Variants in EIF4E3 observed in about 807,000 individuals in gnomAD.
The protein encoded by EIF4E3 is eukaryotic translation initiation factor 4E type 3.
Under a neutral mutation model 31.7 loss-of-function variants are expected in EIF4E3, and 26 were observed. That is an observed-to-expected ratio of 0.82 (90% CI 0.60 to 1.14). The LOEUF is 1.14. EIF4E3 is among the 50% of genes most tolerant of loss of function. The pLI is 0.00. For synonymous variants in EIF4E3, 128 were observed against 107.7 expected (o/e 1.19, Z -1.17); for missense variants, 304 against 270.9 (o/e 1.12, Z -0.86).
At chr3:71,726,637 A>G (rs191659101), upstream of EIF4E3, among the ~76,000 whole-genome samples, 193 of 152,342 alleles carry the variant, frequency 1.3e-3, no homozygotes, top group African/African-American at 4.5e-3. Context: ...GCTACAAAAC[A>G]AGATGAGTTC....
At chr3:71,664,844 C>T in the EIF4E3 span, among the ~76,000 whole-genome samples, 2 of 152,036 alleles carry the variant, frequency 1.3e-5, no homozygotes, top group Admixed American at 6.5e-5. Flanking sequence ...CACTGCACTC[C>T]AGCCTAGGCG....
intron 1 of EIF4E3, among the ~76,000 whole-genome samples, chr3:71,746,165 G>T (rs370776385): frequency 4.6e-5 from 7 of 152,236 alleles, no homozygotes; most frequent in African/African-American, 1.4e-4. Flanking sequence ...AGACAGACTG[G>T]AATTTTACCT....
At chr3:71,674,090 CTTTTTTTT>C (rs71277509), downstream of EIF4E3, among the ~76,000 whole-genome samples, 16 of 25,078 alleles carry the variant, frequency 6.4e-4, no homozygotes, top group African/African-American at 1.7e-3. Flanking sequence ...ATCAACTGTA[CTTTTTTTT>C]TTTTTTTTTT....
At chr3:71,687,452 TTTTC>T (rs757442376) in intron 6 of EIF4E3, among the ~76,000 whole-genome samples, 4 of 152,226 alleles carry the variant, frequency 2.6e-5, no homozygotes, top group Non-Finnish European at 4.4e-5. Context: ...AAAATATACT[TTTTC>T]TTTTTTTTCC....
At chr3:71,708,445 T>C (rs1183892391) in intron 2 of EIF4E3, among the ~76,000 whole-genome samples, 2 of 152,200 alleles carry the variant, frequency 1.3e-5, no homozygotes, top group Non-Finnish European at 2.9e-5. Context: ...ACATTTACTG[T>C]ATACAAATTA....
chr3:71,695,675 A>G (rs1174986574), intron 4 of EIF4E3, among the ~76,000 whole-genome samples: 1 of 152,234 alleles, frequency 6.6e-6, no homozygotes, highest in Non-Finnish European at 1.5e-5. Context: ...TTCTTATAGT[A>G]AAATGACTCC....
chr3:71,751,008 C>G (rs1014310683), intron 1 of EIF4E3, among the ~76,000 whole-genome samples: 1 of 152,138 alleles, frequency 6.6e-6, no homozygotes, highest in Admixed American at 6.5e-5. Flanking sequence ...ATGATCCACC[C>G]GCCTCGGCCT....
intron 1 of EIF4E3, among the ~76,000 whole-genome samples, chr3:71,711,656 T>C (rs2049380903): frequency 6.6e-6 from 1 of 152,144 alleles, no homozygotes; most frequent in African/African-American, 2.4e-5. Context: ...CAGTGAATGC[T>C]CCCTAAGAGT....
chr3:71,745,381 G>C (rs549619751), intron 1 of EIF4E3, among the ~76,000 whole-genome samples: 1 of 152,190 alleles, frequency 6.6e-6, no homozygotes, highest in South Asian at 2.1e-4. Flanking sequence ...GAAACAGTAG[G>C]TACATCCTTA....
At chr3:71,742,408 A>T (rs549611503) in intron 1 of EIF4E3, among the ~76,000 whole-genome samples, 7 of 152,126 alleles carry the variant, frequency 4.6e-5, no homozygotes, top group Non-Finnish European at 1.0e-4. Flanking sequence ...AAATTCCTTT[A>T]AAGACATAAA....
chr3:71,752,677 A>G (rs1243075047), intron 1 of EIF4E3, among the ~76,000 whole-genome samples: 1 of 152,248 alleles, frequency 6.6e-6, no homozygotes, highest in Non-Finnish European at 1.5e-5. Flanking sequence ...AAGAGCTTAG[A>G]GCCTAGTTAG....
At position 71,678,677 on chromosome 3, in the gene EIF4E3, T is replaced by C. The variant is rs2048892255; in HGVS notation, c.*6005A>G. ...TCAAAAGGAAGGGCATTACACCAGC[T>C]TGTAGCCAGATGTGAAAGGGTCCCC... On this transcript the variant is annotated 3_prime_UTR_variant, in exon 7 of 7. Transcript: ENST00000425534. 1 of 152,130 alleles carries C rather than the reference T, an allele frequency of 6.6e-6. No homozygotes were observed. The highest frequency in any genetic ancestry group is 1.5e-5 in the Non-Finnish European group (1 of 68,042). 9.4% of individuals were successfully genotyped at this position (152,130 alleles called of 1,614,324 possible). A position where few individuals can be genotyped will look rare whatever the true frequency, so the allele number is the denominator to read the frequency against.
intron 1 of EIF4E3, among the ~76,000 whole-genome samples, chr3:71,717,879 C>T (rs2049488623): frequency 1.3e-5 from 2 of 152,096 alleles, no homozygotes; most frequent in African/African-American, 2.4e-5. Flanking sequence ...GTGCTTAACA[C>T]GAATGAGTAA....
chr3:71,740,938 C>T (rs2049814340), intron 1 of EIF4E3, among the ~76,000 whole-genome samples: 1 of 152,026 alleles, frequency 6.6e-6, no homozygotes, highest in Non-Finnish European at 1.5e-5. Context: ...AGATCAAGAC[C>T]ATCCTGGCTA....
At chr3:71,662,671 C>T in the EIF4E3 span, among the ~76,000 whole-genome samples, 2 of 152,296 alleles carry the variant, frequency 1.3e-5, no homozygotes, top group South Asian at 2.1e-4. Flanking sequence ...TTGGGCTTCA[C>T]CACCAGCTGC....
chr3:71,740,397 T>C (rs929469936), intron 1 of EIF4E3, among the ~76,000 whole-genome samples: 7 of 152,040 alleles, frequency 4.6e-5, no homozygotes, highest in African/African-American at 1.7e-4. Flanking sequence ...AAGGACAGAG[T>C]GTGCATTTTT....
chr3:71,718,357 T>G (rs2049496492), intron 1 of EIF4E3, among the ~76,000 whole-genome samples: 1 of 152,268 alleles, frequency 6.6e-6, no homozygotes, highest in Non-Finnish European at 1.5e-5. Context: ...ATGCATCTAC[T>G]GAAAATATAT....
At chr3:71,733,320 C>G (rs928188639) in intron 1 of EIF4E3, among the ~76,000 whole-genome samples, 4 of 152,202 alleles carry the variant, frequency 2.6e-5, no homozygotes, top group Non-Finnish European at 5.9e-5. Context: ...GATAAATCAA[C>G]AGCAAGCAAG....
chr3:71,704,360 C>T (rs538078250), intron 2 of EIF4E3, among the ~76,000 whole-genome samples: 2 of 152,258 alleles, frequency 1.3e-5, no homozygotes, highest in South Asian at 4.1e-4. Flanking sequence ...AACCTGCTTC[C>T]TGGTACAGCC....
Sources: allele counts gnomAD v4.1 joint callset (sites outside exome capture counted in the v4.1 genomes callset), GRCh38; gene constraint gnomAD v4.1.1; transcripts MANE v1.5; gene names NCBI Gene and HGNC (gene_info 2026-07-23, HGNC 2026-07-21).